Variants in ANKRD29 observed in about 807,000 individuals in gnomAD.
ANKRD29 encodes ankyrin repeat domain 29.
Under a neutral mutation model 38.0 loss-of-function variants are expected in ANKRD29, and 32 were observed. The observed-to-expected ratio is 0.84, with a 90% CI of 0.64 to 1.13. ANKRD29 has a LOEUF of 1.13. Among genes scored for constraint, ANKRD29 ranks in the 50% most tolerant of loss-of-function variants. The pLI, the probability that ANKRD29 is intolerant of heterozygous loss-of-function variation, is 0.00. For missense variants in ANKRD29, 357 were observed against 377.9 expected (o/e 0.94, Z 0.46); for synonymous variants, 135 against 152.4 (o/e 0.89, Z 0.84).
chr18:23,605,319 A>C (rs1375178106), intron 9 of ANKRD29, among the ~76,000 whole-genome samples: 1 of 149,920 alleles, frequency 6.7e-6, no homozygotes, highest in Non-Finnish European at 1.5e-5. Flanking sequence ...TGACAGCCTC[A>C]AACTCTCTGG....
Position 23,601,261 on chromosome 18 carries a change from G to C in ANKRD29, c.871C>G (p.Leu291Val). ...CTGGGACCTTCTTTACTTCTCAGGA[G>C]ACGCAATATACGTTCATTTTTGGTT... is the stretch of plus-strand genomic sequence containing the variant. Reference protein sequence around the residue: ...ELTKNERILRLLRSKEGPRKS With the variant: ...ELTKNERILRVLRSKEGPRKS The change falls in exon 10 of 10, where the codon CTC (leucine) becomes GTC (valine). Residue 291 changes from leucine to valine, a missense_variant. Leu to Val is a conservative substitution (Grantham distance 32). Coordinates refer to ENST00000592179, the MANE Select transcript of ANKRD29 (RefSeq NM_173505.4). The C allele has an allele frequency of 6.2e-7, 1 of 1,614,092 alleles. No homozygotes were observed. Among genetic ancestry groups the C allele is most frequent in the Non-Finnish European group, 8.5e-7 (1 of 1,180,012 alleles).
intron 3 of ANKRD29, among the ~76,000 whole-genome samples, chr18:23,640,977 T>C (rs2060066645): frequency 6.6e-6 from 1 of 152,064 alleles, no homozygotes; most frequent in Admixed American, 6.5e-5. Flanking sequence ...TATGTACGTG[T>C]GTGCATGCAT....
At chr18:23,639,269 C>T (rs1598512022) in intron 3 of ANKRD29, among the ~76,000 whole-genome samples, 1 of 152,074 alleles carries the variant, frequency 6.6e-6, no homozygotes, top group East Asian at 1.9e-4. Flanking sequence ...TCTGGGTGGG[C>T]CCTAAATCTA....
intron 1 of ANKRD29, among the ~76,000 whole-genome samples, chr18:23,657,215 C>T (rs1422703889): frequency 6.6e-6 from 1 of 152,236 alleles, no homozygotes; most frequent in Non-Finnish European, 1.5e-5. Flanking sequence ...TCTACCTACC[C>T]CAAATCCTGA....
chr18:23,601,850 G>T (rs1413657348), intron 9 of ANKRD29, among the ~76,000 whole-genome samples: 1 of 151,176 alleles, frequency 6.6e-6, no homozygotes, highest in East Asian at 2.0e-4. Context: ...CCAGAGATGG[G>T]GTTTGCCATG....
At chr18:23,623,270 T>C (rs780562615) in intron 6 of ANKRD29, among the ~76,000 whole-genome samples, 1 of 152,140 alleles carries the variant, frequency 6.6e-6, no homozygotes, top group Non-Finnish European at 1.5e-5. Flanking sequence ...AAAATGAGAT[T>C]TGGGGGCCGC....
intron 9 of ANKRD29, 116 bp downstream of exon 9, chr18:23,611,976 C>A: frequency 1.1e-6 from 1 of 877,428 alleles, no homozygotes; most frequent in South Asian, 1.7e-5. Flanking sequence ...ACCTTGAATG[C>A]CCTTACTATG....
chr18:23,640,558 T>C (rs1278400227), intron 3 of ANKRD29, among the ~76,000 whole-genome samples: 7 of 152,180 alleles, frequency 4.6e-5, no homozygotes, highest in Non-Finnish European at 1.5e-5. Context: ...CTCAAAACAT[T>C]TCTCAAAATG....
intron 1 of ANKRD29, among the ~76,000 whole-genome samples, chr18:23,661,689 A>T (rs2060363895): frequency 6.6e-6 from 1 of 152,248 alleles, no homozygotes; most frequent in South Asian, 2.1e-4. Flanking sequence ...AGCCTGGGCA[A>T]CAAGAGCAAA....
At chr18:23,657,065 G>A (rs111746472) in intron 1 of ANKRD29, among the ~76,000 whole-genome samples, 16 of 152,300 alleles carry the variant, frequency 1.1e-4, no homozygotes, top group South Asian at 4.2e-4. Context: ...GCAAATCTCT[G>A]CTCCTTCAAG....
intron 7 of ANKRD29, among the ~76,000 whole-genome samples, chr18:23,618,082 T>A (rs1208179641): frequency 6.6e-6 from 1 of 152,212 alleles, no homozygotes; most frequent in Non-Finnish European, 1.5e-5. Flanking sequence ...CTTCTACAGT[T>A]CCTGAGAACA....
chr18:23,657,875 C>T (rs567326012), intron 1 of ANKRD29, among the ~76,000 whole-genome samples: 3 of 152,170 alleles, frequency 2.0e-5, no homozygotes, highest in African/African-American at 7.2e-5. Context: ...CAATGTCTTG[C>T]GAGCCCAATC....
chr18:23,632,221 ATTTTCT>A (rs924089443), intron 5 of ANKRD29, among the ~76,000 whole-genome samples: 4 of 151,930 alleles, frequency 2.6e-5, no homozygotes, highest in Non-Finnish European at 5.9e-5. Context: ...ACTCTCAGCA[ATTTTCT>A]TTTTCTTTTT....
rs751042164 is a variant in ANKRD29, at chr18:23,619,625, C to G, written c.533G>C (p.Gly178Ala). ...GGACGCGATCCACAGGGGCGCTGTC[C>G]CGTCCTGCGGGAAGAGGAGGCGGCG... ...GAKVNQPRQD[G>A]TAPLWIASQM... is the part of the protein sequence containing the mutation. The change falls in exon 7 of 10, where the codon GGG (glycine) becomes GCG (alanine). Residue 178 changes from glycine (G) to alanine (A), a missense_variant. Gly to Ala is a moderately conservative substitution (Grantham distance 60). Coordinates refer to ENST00000592179, the MANE Select transcript of ANKRD29 (RefSeq NM_173505.4). The G allele has an allele frequency of 6.3e-7, 1 of 1,579,398 alleles. No individual in the cohort carries two copies. The highest frequency in any genetic ancestry group is 8.5e-7 in the Non-Finnish European group (1 of 1,172,340).
At chr18:23,633,201 A>AT (rs2059955841) in intron 5 of ANKRD29, among the ~76,000 whole-genome samples, 1 of 152,212 alleles carries the variant, frequency 6.6e-6, no homozygotes, top group Non-Finnish European at 1.5e-5. Context: ...TGATGTACTA[A>AT]TTGACAGTTA....
At chr18:23,662,627 ACCCCATCC>A in intron 1 of ANKRD29, 75 bp downstream of exon 1, 1 of 54,444 alleles carries the variant, frequency 1.8e-5, no homozygotes, top group Non-Finnish European at 3.3e-5. Flanking sequence ...ACCCCATCCC[ACCCCATCC>A]CACCCCACCC....
chr18:23,613,831 C>T (rs1332344759), intron 8 of ANKRD29, among the ~76,000 whole-genome samples: 3 of 152,078 alleles, frequency 2.0e-5, no homozygotes, highest in African/African-American at 7.2e-5. Flanking sequence ...ATTTCCTGAC[C>T]TCGTGATCCT....
In ANKRD29 at chr18:23,619,302, C is replaced by T. The variant is rs984323446; in HGVS notation, c.627+229G>A. The T allele has an allele frequency of 1.8e-5, 9 of 508,894 alleles. No homozygotes were observed. The East Asian group carries it at 2.4e-4, about 14-fold the overall frequency. The allele number at this position is 508,894 out of a possible 1,614,324, so 31.5% of individuals were successfully genotyped here. A position where few individuals can be genotyped will look rare whatever the true frequency, so the allele number is the denominator to read the frequency against. On this transcript the variant is annotated intron_variant, in intron 7 of 9. Transcript: ENST00000592179. ...GGCGGGAGGCCCCGTCTCTACCGCC[C>T]TCAGGCCTAAGGCTAAGATTCCACC...
At chr18:23,604,131 C>T (rs748396299) in intron 9 of ANKRD29, among the ~76,000 whole-genome samples, 7 of 152,148 alleles carry the variant, frequency 4.6e-5, no homozygotes, top group South Asian at 2.1e-4. Flanking sequence ...TGTGAGCCAC[C>T]GCACTCAGGC....
Sources: allele counts gnomAD v4.1 joint callset (sites outside exome capture counted in the v4.1 genomes callset), GRCh38; gene constraint gnomAD v4.1.1; transcripts MANE v1.5; gene names NCBI Gene and HGNC (gene_info 2026-07-23, HGNC 2026-07-21).